EPB41: variants seen among roughly 807,000 people sequenced by gnomAD.
EPB41 encodes protein 4.1.
EPB41 carries 65 observed loss-of-function variants against 108.0 expected under a neutral mutation model. The ratio of observed to expected loss-of-function variants is 0.60; its 90% CI spans 0.49 to 0.74. The LOEUF is 0.74. Ranked by LOEUF, EPB41 falls within the 30% of genes least tolerant of loss-of-function variation. EPB41 has a pLI of 0.00. For synonymous variants in EPB41, 336 were observed against 358.9 expected (o/e 0.94, Z 0.72); for missense variants, 875 against 1,037.0 (o/e 0.84, Z 2.15).
intron 1 of EPB41, among the ~76,000 whole-genome samples, chr1:28,972,402 C>T (rs2095515888): frequency 6.6e-6 from 1 of 152,130 alleles, no homozygotes; most frequent in South Asian, 2.1e-4. Flanking sequence ...TAAGTATATG[C>T]CTGAATTCTC....
At chr1:29,069,427 A>G (rs1417219986) in intron 16 of EPB41, 3 of 1,225,910 alleles carry the variant, frequency 2.4e-6, no homozygotes, top group Non-Finnish European at 3.0e-6. Context: ...TAATGTATAA[A>G]CCTTCATGAT....
Position 29,097,810 on chromosome 1 carries a change from C to T in EPB41, c.2188C>T (p.Pro730Ser), listed in dbSNP as rs1663749613. The T allele has an allele frequency of 1.4e-5, 23 of 1,613,858 alleles. No individual in the cohort carries two copies. The highest frequency in any genetic ancestry group is 1.9e-5 in the Non-Finnish European group (23 of 1,179,860). ...NGQIPTGEGPPLVKTQTVTIS... is the reference protein window; with the variant it reads ...NGQIPTGEGPSLVKTQTVTIS... ...CTCTTTCCTTACTGCTTCACAGCCTCCCCTGGTGAAGACACAAACTGTCAC... is the reference window on the plus strand; with the variant it reads ...CTCTTTCCTTACTGCTTCACAGCCTTCCCTGGTGAAGACACAAACTGTCAC... The change falls in exon 17 of 21, where the codon CCC becomes TCC. Residue 730 changes from proline (P) to serine (S), a missense_variant. Around this residue, in one of 3 missense-constraint regions of EPB41, gnomAD observed 519 missense variants for 627.3 expected, o/e 0.83. Coordinates refer to ENST00000343067, the MANE Select transcript of EPB41 (RefSeq NM_001376013.1).
At chr1:29,014,499 G>A (rs1413241624) in intron 5 of EPB41, among the ~76,000 whole-genome samples, 1 of 151,930 alleles carries the variant, frequency 6.6e-6, no homozygotes, top group East Asian at 1.9e-4. Context: ...GTTCCTGGAA[G>A]CAACCATGGT....
chr1:28,895,454 C>T (rs1300879113), intron 1 of EPB41, among the ~76,000 whole-genome samples: 3 of 152,028 alleles, frequency 2.0e-5, no homozygotes, highest in Non-Finnish European at 4.4e-5. Context: ...ACAGCTGGGG[C>T]TCAGACCCAA....
intron 1 of EPB41, among the ~76,000 whole-genome samples, chr1:28,959,993 T>A (rs1013485193): frequency 9.3e-5 from 14 of 150,724 alleles, no homozygotes; most frequent in African/African-American, 3.2e-4. Context: ...TTTCTTTTTT[T>A]TTCTTTTCTT....
At chr1:29,116,702 GGCCCTGTAAACC>G (rs1434421594) in intron 20 of EPB41, 105 bp from the exon 21 acceptor site, 1 of 152,212 alleles carries the variant, frequency 6.6e-6, no homozygotes, top group Non-Finnish European at 1.5e-5. Context: ...GGTGGGACCA[GGCCCTGTAAACC>G]TGCTCACATC....
At chr1:29,054,022 A>G (rs1158444731) in intron 12 of EPB41, 1 of 152,286 alleles carries the variant, frequency 6.6e-6, no homozygotes, top group Admixed American at 6.5e-5. Flanking sequence ...AGATGGATGT[A>G]TGCACATTTC....
At position 28,983,650 on chromosome 1, in the gene EPB41, G is replaced by A. The variant is rs556019605; in HGVS notation, c.-7-3781G>A. On this transcript the variant is annotated intron_variant, in intron 1 of 20. Transcript: ENST00000343067. ...TGGGAACTGGAGTGCACAAGCGCTG[G>A]AACGAGCTGACTGCCTTGGTGCTTG... 1.2e-4 allele frequency among the ~76,000 whole-genome samples: 18 copies of A among 152,328 alleles called. 1 individual carries two copies. Among genetic ancestry groups the A allele is most frequent in the African/African-American group, 4.1e-4 (17 of 41,582 alleles).
intron 1 of EPB41, among the ~76,000 whole-genome samples, chr1:28,972,317 A>C (rs772041258): frequency 6.6e-6 from 1 of 152,210 alleles, no homozygotes; most frequent in Admixed American, 6.5e-5. Context: ...CTCAGTAATC[A>C]TTGATCCAGT....
upstream of EPB41, among the ~76,000 whole-genome samples, chr1:28,914,377 A>C (rs1243067257): frequency 6.6e-6 from 1 of 151,586 alleles, no homozygotes; most frequent in Non-Finnish European, 1.5e-5. Context: ...TCCTCTCCTT[A>C]CCGGCCTAGG....
intron 18 of EPB41, chr1:29,109,676 G>T: frequency 3.7e-6 from 2 of 547,390 alleles, no homozygotes; most frequent in Non-Finnish European, 6.6e-6. Flanking sequence ...AGGTGTGGTT[G>T]TTCTCTTTAC....
Position 28,952,164 on chromosome 1 carries a change from T to C in EPB41, c.-7-35267T>C, listed in dbSNP as rs11809156. Among the ~76,000 whole-genome samples, 1,190 of 152,192 alleles carry C rather than the reference T, an allele frequency of 7.8e-3. 10 individuals carry two copies. The highest frequency in any genetic ancestry group is 0.027 in the African/African-American group (1,120 of 41,522). On this transcript the variant is annotated intron_variant, in intron 1 of 20. Coordinates refer to ENST00000343067, the MANE Select transcript of EPB41 (RefSeq NM_001376013.1). Reference sequence around the variant, plus strand: ...TATGCTTATAATTTACTACCTGATATAGTAAAATAAAATTTTATCCCTTCC... The same window carrying C: ...TATGCTTATAATTTACTACCTGATACAGTAAAATAAAATTTTATCCCTTCC...
At chr1:29,024,997 G>A (rs899211834) in intron 7 of EPB41, among the ~76,000 whole-genome samples, 2 of 151,958 alleles carry the variant, frequency 1.3e-5, no homozygotes, top group African/African-American at 2.4e-5. Context: ...CTTCCACTGA[G>A]GCATATGCAT....
intron 1 of EPB41, among the ~76,000 whole-genome samples, chr1:28,953,734 G>A (rs888691417): frequency 6.6e-6 from 1 of 152,158 alleles, no homozygotes; most frequent in African/African-American, 2.4e-5. Flanking sequence ...CAATTTATTT[G>A]TATTAGTTAG....
chr1:29,040,284 T>G (rs1640988831), intron 11 of EPB41, among the ~76,000 whole-genome samples: 1 of 152,086 alleles, frequency 6.6e-6, no homozygotes, highest in African/African-American at 2.4e-5. Context: ...TTTTTCTTAA[T>G]TTTTTTATTT....
At chr1:28,915,731 C>CTTTTTTTT (rs11321625) in intron 1 of EPB41, among the ~76,000 whole-genome samples, 127 of 56,058 alleles carry the variant, frequency 2.3e-3, no homozygotes, top group Non-Finnish European at 3.4e-3. Flanking sequence ...TTTTCAGATG[C>CTTTTTTTT]TTTTTTTTTT....
intron 1 of EPB41, among the ~76,000 whole-genome samples, chr1:28,954,087 A>G (rs926208473): frequency 2.0e-5 from 3 of 152,236 alleles, no homozygotes; most frequent in East Asian, 1.9e-4. Context: ...CATGTTCCAT[A>G]ACAATTCTAA....
intron 11 of EPB41, among the ~76,000 whole-genome samples, chr1:29,050,178 T>C (rs1321132452): frequency 1.3e-5 from 2 of 152,258 alleles, no homozygotes; most frequent in Non-Finnish European, 2.9e-5. Context: ...GGCTTTTGCC[T>C]CTGTTCCACG....
intron 5 of EPB41, 82 bp downstream of exon 5, chr1:29,011,989 A>C: frequency 2.7e-6 from 4 of 1,482,858 alleles, no homozygotes; most frequent in Non-Finnish European, 3.8e-6. Flanking sequence ...GCTGTGAGTC[A>C]GTCACTTTAG....
Sources: gnomAD v4.1 joint callset for allele counts (sites outside exome capture counted in the v4.1 genomes callset) on GRCh38, gnomAD v4.1.1 for gene constraint, gnomAD v4.1.1 regional missense constraint, MANE v1.5 for transcripts, NCBI Gene and HGNC (gene_info 2026-07-23, HGNC 2026-07-21) for gene names.